The following FBXO36 variants were observed in gnomAD, a reference collection of about 807,000 sequenced individuals.
FBXO36 encodes the protein F-box only protein 36.
Under a neutral mutation model 17.0 loss-of-function variants are expected in FBXO36, and 18 were observed. That is an observed-to-expected ratio of 1.06 (90% CI 0.73 to 1.57). The LOEUF (loss-of-function observed/expected upper bound fraction) is 1.57. Ranked by LOEUF, FBXO36 falls within the 40% of genes most tolerant of loss-of-function variation. The pLI, the probability that FBXO36 is intolerant of heterozygous loss-of-function variation, is 0.00. For synonymous variants in FBXO36, 83 were observed against 85.3 expected, an observed-to-expected ratio of 0.97 and a Z score of 0.15; for missense variants, 229 against 221.9, an observed-to-expected ratio of 1.03 and a Z score of -0.20.
At chr2:229,988,147 C>CT (rs894236795) in intron 2 of FBXO36, among the ~76,000 whole-genome samples, 1 of 152,066 alleles carries the variant, frequency 6.6e-6, no homozygotes. Context: ...TTCTTAGTTA[C>CT]TTTTTTTGTT....
chr2:229,963,697 G>A (rs984566564), intron 1 of FBXO36, among the ~76,000 whole-genome samples: 4 of 152,092 alleles, frequency 2.6e-5, no homozygotes, highest in African/African-American at 7.2e-5. Flanking sequence ...ACCCGCCTCG[G>A]CCTCCCAAAG....
intron 2 of FBXO36, among the ~76,000 whole-genome samples, chr2:229,984,045 A>C (rs2077254412): frequency 6.6e-6 from 1 of 152,180 alleles, no homozygotes; most frequent in African/African-American, 2.4e-5. Context: ...TGAATTGTAT[A>C]TATGTTTATA....
chr2:229,967,650 CT>C (rs1206579795), intron 1 of FBXO36, among the ~76,000 whole-genome samples: 1 of 152,026 alleles, frequency 6.6e-6, no homozygotes, highest in Non-Finnish European at 1.5e-5. Context: ...TGGTTTTTGT[CT>C]TTGGTTCTGT....
chr2:229,929,180 C>T (rs1160623884), intron 1 of FBXO36, among the ~76,000 whole-genome samples: 2 of 151,896 alleles, frequency 1.3e-5, no homozygotes, highest in African/African-American at 2.4e-5. Context: ...GTAATCCGCC[C>T]GCCTCAACCT....
intron 1 of FBXO36, among the ~76,000 whole-genome samples, chr2:229,933,796 C>G (rs375955383): frequency 1.4e-3 from 216 of 152,214 alleles, no homozygotes; most frequent in Non-Finnish European, 2.4e-3. Context: ...AACAATTCTC[C>G]TGCCTCAGCC....
intron 2 of FBXO36, among the ~76,000 whole-genome samples, chr2:229,985,875 A>G (rs540384987): frequency 6.6e-6 from 1 of 151,998 alleles, no homozygotes; most frequent in South Asian, 2.1e-4. Flanking sequence ...ATAGTGAGAC[A>G]CTGTCTATAC....
At position 229,949,861 on chromosome 2, in the gene FBXO36, C is replaced by T. The variant is rs1019615655; in HGVS notation, c.97-26380C>T. On this transcript the variant is annotated intron_variant, in intron 1 of 3. Transcript: ENST00000283946. ...AATGGCGTGAACCTGGGAGGCGGAG[C>T]TTGCAGTGAGCCGAGATCGTGCCAG... Among the ~76,000 whole-genome samples, 10 of 152,142 alleles carry T rather than the reference C, an allele frequency of 6.6e-5. No individual in the cohort carries two copies. The East Asian group carries it at 1.9e-3, about 30-fold the overall frequency.
chr2:229,979,325 CCA>C (rs1483130395), intron 2 of FBXO36, among the ~76,000 whole-genome samples: 2 of 151,016 alleles, frequency 1.3e-5, no homozygotes, highest in African/African-American at 2.4e-5. Flanking sequence ...TGGCAAGACT[CCA>C]TATAAATATA....
intron 1 of FBXO36, among the ~76,000 whole-genome samples, chr2:229,931,918 A>ATTTTTTTTTTTTTTTTTTTTTTTT (rs11441584): frequency 7.0e-6 from 1 of 142,770 alleles, no homozygotes; most frequent in African/African-American, 2.6e-5. Flanking sequence ...ATATGTGTAT[A>ATTTTTTTTTTTTTTTTTTTTTTTT]TATTTTTTTT....
intron 1 of FBXO36, among the ~76,000 whole-genome samples, chr2:229,937,062 C>T (rs1411227360): frequency 6.6e-6 from 1 of 152,074 alleles, no homozygotes; most frequent in Non-Finnish European, 1.5e-5. Flanking sequence ...ACGCCCCTGA[C>T]TATAGGTCAT....
intron 1 of FBXO36, among the ~76,000 whole-genome samples, chr2:229,924,918 G>A (rs1459651483): frequency 6.6e-6 from 1 of 151,840 alleles, no homozygotes; most frequent in Admixed American, 6.6e-5. Flanking sequence ...ACAGGCGCCC[G>A]CCACCACGCC....
chr2:230,000,355 C>CA (rs3086348), intron 3 of FBXO36, among the ~76,000 whole-genome samples: 2,786 of 77,030 alleles, frequency 0.036, 130 homozygotes, highest in African/African-American at 0.1. Context: ...GAGACTGTCT[C>CA]AAAAAAAAAA....
At chr2:229,930,384 G>T (rs148163430) in intron 1 of FBXO36, among the ~76,000 whole-genome samples, 1 of 152,044 alleles carries the variant, frequency 6.6e-6, no homozygotes, top group African/African-American at 2.4e-5. Context: ...TGTTTGTGTT[G>T]ATTTACACTC....
intron 1 of FBXO36, among the ~76,000 whole-genome samples, chr2:229,923,491 T>C (rs1046628038): frequency 2.0e-5 from 3 of 152,230 alleles, no homozygotes; most frequent in Non-Finnish European, 4.4e-5. Context: ...TTTAGAAGTT[T>C]GTATATATTT....
At chr2:229,934,150 C>G (rs1215544954) in intron 1 of FBXO36, among the ~76,000 whole-genome samples, 1 of 151,928 alleles carries the variant, frequency 6.6e-6, no homozygotes, top group Non-Finnish European at 1.5e-5. Context: ...GCCTGTAATC[C>G]CAGCACTTTG....
intron 1 of FBXO36, among the ~76,000 whole-genome samples, chr2:229,971,534 T>C (rs148637249): frequency 4.6e-5 from 7 of 152,048 alleles, no homozygotes; most frequent in Non-Finnish European, 1.0e-4. Flanking sequence ...CAGGCTTGCC[T>C]CCTAGAGCTA....
At chr2:229,980,984 G>C (rs2106198622) in intron 2 of FBXO36, among the ~76,000 whole-genome samples, 1 of 152,224 alleles carries the variant, frequency 6.6e-6, no homozygotes, top group Non-Finnish European at 1.5e-5. Flanking sequence ...CCCCTTCTTA[G>C]AGAATCCTTC....
At chr2:229,998,951 C>T (rs373636756) in intron 3 of FBXO36, among the ~76,000 whole-genome samples, 2 of 151,018 alleles carry the variant, frequency 1.3e-5, no homozygotes, top group African/African-American at 2.4e-5. Flanking sequence ...TACAGGTGCC[C>T]GCCACCACAC....
Position 229,941,040 on chromosome 2 carries a change from CT to C in FBXO36, c.96+18432del, listed in dbSNP as rs201238990. Among the ~76,000 whole-genome samples, 353 of 152,248 alleles carry C rather than the reference CT, an allele frequency of 2.3e-3. 1 individual carries two copies. The highest frequency in any genetic ancestry group is 7.9e-3 in the African/African-American group (328 of 41,542). ...TCACCATCTGTTTGGCACAATCCCC[CT>C]GGCCTACTGCTTGCCACTGGACCAA... On this transcript the variant is annotated intron_variant, in intron 1 of 3. Transcript: ENST00000283946.
Sources: gnomAD v4.1 joint callset for allele counts (sites outside exome capture counted in the v4.1 genomes callset) on GRCh38, gnomAD v4.1.1 for gene constraint, MANE v1.5 for transcripts, NCBI Gene and HGNC (gene_info 2026-07-23, HGNC 2026-07-21) for gene names.